The following ERBB4 variants were observed in gnomAD, a reference collection of about 807,000 sequenced individuals.
ERBB4 encodes the protein receptor tyrosine-protein kinase erbB-4.
In ERBB4, 42 loss-of-function variants were observed where a neutral mutation model predicts 158.0. That is an observed-to-expected ratio of 0.27 (90% CI 0.21 to 0.34). The LOEUF (loss-of-function observed/expected upper bound fraction) is 0.34. Ranked by LOEUF, ERBB4 falls within the 10% of genes least tolerant of loss-of-function variation. ERBB4 has a pLI of 1.00. For missense variants in ERBB4, 1,333 were observed against 1,624.1 expected (o/e 0.82, Z 3.08); for synonymous variants, 583 against 558.7 (o/e 1.04, Z -0.61).
intron 19 of ERBB4, among the ~76,000 whole-genome samples, chr2:211,585,250 A>C (rs947433397): frequency 6.6e-6 from 1 of 151,072 alleles, no homozygotes; most frequent in Non-Finnish European, 1.5e-5. Context: ...TACTCGGGAG[A>C]CTGAGGCAGG....
chr2:211,594,258 G>A (rs948863535), intron 19 of ERBB4, among the ~76,000 whole-genome samples: 3 of 152,006 alleles, frequency 2.0e-5, no homozygotes, highest in African/African-American at 7.2e-5. Flanking sequence ...GCAACACGGT[G>A]AAACCTCGTC....
At chr2:211,753,334 G>A (rs1457167498) in intron 4 of ERBB4, among the ~76,000 whole-genome samples, 8 of 151,286 alleles carry the variant, frequency 5.3e-5, no homozygotes, top group Admixed American at 1.3e-4. Flanking sequence ...TTCCAACCAC[G>A]TATCCCTGAT....
At chr2:212,402,349 T>C (rs946990038) in intron 1 of ERBB4, among the ~76,000 whole-genome samples, 1 of 152,040 alleles carries the variant, frequency 6.6e-6, no homozygotes, top group Non-Finnish European at 1.5e-5. Flanking sequence ...TGCCACAGGT[T>C]AGGGATTGGG....
At chr2:212,373,954 A>ATATATCCATAAATATATC in intron 1 of ERBB4, among the ~76,000 whole-genome samples, 1 of 125,754 alleles carries the variant, frequency 8.0e-6, no homozygotes, top group Non-Finnish European at 1.7e-5. Flanking sequence ...TATATATCAT[A>ATATATCCATAAATATATC]TATATATCCA....
At chr2:211,782,706 G>T (rs2076065686) in intron 4 of ERBB4, among the ~76,000 whole-genome samples, 1 of 152,104 alleles carries the variant, frequency 6.6e-6, no homozygotes, top group South Asian at 2.1e-4. Flanking sequence ...TATTTCTGAG[G>T]GCTCTGTTCT....
At chr2:212,397,792 C>T (rs772313312) in intron 1 of ERBB4, among the ~76,000 whole-genome samples, 3 of 151,844 alleles carry the variant, frequency 2.0e-5, no homozygotes, top group East Asian at 3.9e-4. Context: ...TATCTTAGTT[C>T]CTGGAAAGGT....
rs59077058 is a variant in ERBB4, at chr2:212,287,871, T to C, written c.83-162968A>G. 5.5e-3 allele frequency among the ~76,000 whole-genome samples: 835 copies of C among 152,130 alleles called. 12 individuals are homozygous for C. Among genetic ancestry groups the C allele is most frequent in the East Asian group, 0.042 (216 of 5,146 alleles). ...TAAATGATGAAAACACACGGACACATAGAGGGCAACAACACGCACTGGGGC... is the reference window on the plus strand; with the variant it reads ...TAAATGATGAAAACACACGGACACACAGAGGGCAACAACACGCACTGGGGC... On this transcript the variant is annotated intron_variant, in intron 1 of 27. Transcript: ENST00000342788.
chr2:211,618,454 T>C (rs2069475981), intron 19 of ERBB4, among the ~76,000 whole-genome samples: 1 of 151,836 alleles, frequency 6.6e-6, no homozygotes, highest in Middle Eastern at 3.2e-3. Flanking sequence ...AAGAGCAGAG[T>C]TGAGTTGCTG....
At chr2:212,280,814 T>C (rs1457409767) in intron 1 of ERBB4, among the ~76,000 whole-genome samples, 4 of 151,634 alleles carry the variant, frequency 2.6e-5, no homozygotes, top group Non-Finnish European at 5.9e-5. Flanking sequence ...ATAGAAACTG[T>C]TAAAACCAGG....
intron 1 of ERBB4, among the ~76,000 whole-genome samples, chr2:212,420,128 AT>A (rs2091760448): frequency 6.6e-6 from 1 of 152,048 alleles, no homozygotes; most frequent in African/African-American, 2.4e-5. Context: ...ATGTATTTTC[AT>A]TTTATAGCAT....
chr2:211,695,303 T>C (rs1024944617), intron 12 of ERBB4, among the ~76,000 whole-genome samples: 3 of 152,150 alleles, frequency 2.0e-5, no homozygotes, highest in South Asian at 2.1e-4. Flanking sequence ...TAGATTCATG[T>C]ACAATGGGGT....
At chr2:212,162,670 C>T (rs1326671860) in intron 1 of ERBB4, among the ~76,000 whole-genome samples, 1 of 151,546 alleles carries the variant, frequency 6.6e-6, no homozygotes, top group African/African-American at 2.4e-5. Flanking sequence ...TTTTAATGTA[C>T]AAAAAATGAA....
intron 1 of ERBB4, among the ~76,000 whole-genome samples, chr2:212,196,439 G>A (rs1457969658): frequency 6.6e-6 from 1 of 151,958 alleles, no homozygotes; most frequent in African/African-American, 2.4e-5. Context: ...GGGAGGAGGT[G>A]AAAGGGGAGG....
chr2:211,860,354 C>A (rs1377780708), intron 3 of ERBB4, among the ~76,000 whole-genome samples: 1 of 152,138 alleles, frequency 6.6e-6, no homozygotes, highest in African/African-American at 2.4e-5. Flanking sequence ...ATAAGCCTAA[C>A]TCTTAAATTG....
intron 20 of ERBB4, among the ~76,000 whole-genome samples, chr2:211,501,225 G>T (rs1291453577): frequency 1.3e-5 from 2 of 151,708 alleles, no homozygotes; most frequent in African/African-American, 4.8e-5. Flanking sequence ...GCATAAGAAG[G>T]GTTGGTTAAT....
At chr2:211,657,021 T>C (rs2105898039) in intron 16 of ERBB4, among the ~76,000 whole-genome samples, 1 of 152,340 alleles carries the variant, frequency 6.6e-6, no homozygotes, top group African/African-American at 2.4e-5. Context: ...TGCCTTTATG[T>C]TAATTCTTAT....
At position 211,378,990 on chromosome 2, in the gene ERBB4, A is replaced by G. The variant is rs1366106948; in HGVS notation, c.*4625T>C. ...GTTAATTTATCTGGTTTTTTTAACAACTAGAAGCTGATGCACATGGATTTC... is the reference window on the plus strand; with the variant it reads ...GTTAATTTATCTGGTTTTTTTAACAGCTAGAAGCTGATGCACATGGATTTC... On this transcript the variant is annotated 3_prime_UTR_variant, in exon 28 of 28. Coordinates refer to ENST00000342788, the MANE Select transcript of ERBB4 (RefSeq NM_005235.3). 4.3e-6 allele frequency: 1 copy of G among 231,904 alleles called. No homozygotes were observed. The highest frequency in any genetic ancestry group is 8.5e-6 in the Non-Finnish European group (1 of 117,294). 14.4% of individuals were successfully genotyped at this position (231,904 alleles called of 1,614,324 possible).
At chr2:212,482,727 C>T (rs2106165762) in intron 1 of ERBB4, among the ~76,000 whole-genome samples, 1 of 152,294 alleles carries the variant, frequency 6.6e-6, no homozygotes, top group South Asian at 2.1e-4. Context: ...AGGGATTCCC[C>T]TGCCTCAGCC....
At chr2:212,169,327 T>C (rs2081440980) in intron 1 of ERBB4, among the ~76,000 whole-genome samples, 3 of 152,102 alleles carry the variant, frequency 2.0e-5, no homozygotes, top group African/African-American at 7.2e-5. Context: ...AGTATAATAA[T>C]ATTCAGATTT....
Sources: gnomAD v4.1 joint callset for allele counts (sites outside exome capture counted in the v4.1 genomes callset) on GRCh38, gnomAD v4.1.1 for gene constraint, MANE v1.5 for transcripts, NCBI Gene and HGNC (gene_info 2026-07-23, HGNC 2026-07-21) for gene names.